The following IL3RA variants were observed in gnomAD, a reference collection of about 807,000 sequenced individuals.
IL3RA encodes the protein interleukin 3 receptor subunit alpha, also known as interleukin-3 receptor subunit alpha.
IL3RA carries 73 observed loss-of-function variants against 52.3 expected under a neutral mutation model. The observed-to-expected ratio is 1.40, with a 90% CI of 1.16 to 1.70. The LOEUF (loss-of-function observed/expected upper bound fraction) is 1.70, where lower values mean the gene tolerates loss of function less well. IL3RA is among the 40% of genes most tolerant of loss of function. The pLI is 0.00. For synonymous variants in IL3RA, 260 were observed against 194.0 expected (o/e 1.34, Z -2.83); for missense variants, 664 against 504.4 (o/e 1.32, Z -3.03).
At chrX:1,359,921 G>C (rs28972424) in intron 8 of IL3RA, among the ~76,000 whole-genome samples, 5,890 of 133,954 alleles carry the variant, frequency 0.044, 424 homozygotes, top group African/African-American at 0.16. Context: ...CTCTCCCTGT[G>C]TCTATCTCCC....
rs773350314 is a variant in IL3RA at position 1,348,091 on chromosome X, A to C, written c.184-340A>C. Among the ~76,000 whole-genome samples the C allele has an allele frequency of 2.0e-3, 287 of 144,018 alleles. 11 individuals are homozygous for C. Among genetic ancestry groups the C allele is most frequent in the African/African-American group, 6.3e-3 (242 of 38,402 alleles). 94.5% of individuals were successfully genotyped at this position (144,018 alleles called of 152,430 possible). ...GCCGGGCACGGTGGCTCACGCCTGT[A>C]ATCCCAGCACTTTGGGAGGCTGAGG... On this transcript the variant is annotated intron_variant, in intron 3 of 11. Coordinates refer to ENST00000331035, the MANE Select transcript of IL3RA (RefSeq NM_002183.4).
intron 8 of IL3RA, among the ~76,000 whole-genome samples, chrX:1,363,581 C>A (rs1311483980): frequency 5.9e-4 from 89 of 150,996 alleles, no homozygotes; most frequent in Admixed American, 1.1e-3. Context: ...AGCCACCGCG[C>A]CTGGCCGAGC....
Position 1,352,325 on chromosome X carries a change from G to A in IL3RA, c.435G>A (p.Arg145=). Residue 145 remains arginine (R), a synonymous_variant, in exon 6 of 12, where the codon AGG becomes AGA. Coordinates refer to ENST00000331035, the MANE Select transcript of IL3RA (RefSeq NM_002183.4). ...QYDLYLNVAN[R]RQQYECLHYK... ...CCAACCTTACCGCTTACCGCAGCAG[G>A]CGTCAACAGTACGAGTGTCTTCACT... is the stretch of plus-strand genomic sequence containing the variant. The A allele has an allele frequency of 6.8e-6, 11 of 1,613,844 alleles. No individual in the cohort carries two copies. The highest frequency in any genetic ancestry group is 9.3e-6 in the Non-Finnish European group (11 of 1,179,828).
intron 7 of IL3RA, 35 bp from the exon 8 acceptor site, chrX:1,358,826 A>G: frequency 1.2e-6 from 2 of 1,612,842 alleles, no homozygotes; most frequent in African/African-American, 2.7e-5. Context: ...GGGACGGTCC[A>G]GACACTCAAA....
intron 9 of IL3RA, among the ~76,000 whole-genome samples, chrX:1,366,954 G>C (rs1380806686): frequency 3.9e-5 from 1 of 25,358 alleles, no homozygotes; most frequent in Non-Finnish European, 6.4e-5. Flanking sequence ...CGGGGTGCGC[G>C]GGGTGCGCGG....
chrX:1,378,208 A>G (rs1452845617), intron 9 of IL3RA, among the ~76,000 whole-genome samples: 1 of 151,892 alleles, frequency 6.6e-6, no homozygotes, highest in East Asian at 1.9e-4. Context: ...AGAAAAAGAA[A>G]AAGAAAAAAT....
chrX:1,363,956 G>C (rs755334969), intron 8 of IL3RA, among the ~76,000 whole-genome samples: 1 of 151,982 alleles, frequency 6.6e-6, no homozygotes, highest in Non-Finnish European at 1.5e-5. Context: ...GCCGAGGCGG[G>C]TGGATCATGA....
chrX:1,340,826 C>T (rs1337976262), intron 1 of IL3RA, among the ~76,000 whole-genome samples: 2 of 151,692 alleles, frequency 1.3e-5, no homozygotes, highest in Non-Finnish European at 1.5e-5. Context: ...CTAAAAAATA[C>T]AAAAAGTGGG....
At chrX:1,345,035 G>A (rs1413848542) in intron 2 of IL3RA, among the ~76,000 whole-genome samples, 3 of 150,802 alleles carry the variant, frequency 2.0e-5, no homozygotes, top group South Asian at 4.2e-4. Flanking sequence ...CGGGCGTGGT[G>A]GCGGGCGCCT....
Position 1,345,501 on chromosome X carries a change from A to C in IL3RA, c.183+67A>C, listed in dbSNP as rs368389238. ...TATTTATGTATTTATGTATTTATTT[A>C]TTTTTTGAGACGGAGTCTTGCTCTG... On this transcript the variant is annotated intron_variant, in intron 3 of 11. Coordinates refer to ENST00000331035, the MANE Select transcript of IL3RA (RefSeq NM_002183.4). 8.0e-6 allele frequency: 9 copies of C among 1,125,776 alleles called. No individual in the cohort carries two copies. The East Asian group carries it at 2.6e-4, about 33-fold the overall frequency. 69.7% of individuals were successfully genotyped at this position (1,125,776 alleles called of 1,614,324 possible).
intron 1 of IL3RA, among the ~76,000 whole-genome samples, chrX:1,339,878 G>A (rs1303305652): frequency 6.6e-6 from 1 of 152,098 alleles, no homozygotes; most frequent in Non-Finnish European, 1.5e-5. Flanking sequence ...GCCTTTCTGG[G>A]ATGCGGCAGA....
At position 1,348,385 on chromosome X, in the gene IL3RA, T is replaced by C. The variant is rs1224738043; in HGVS notation, c.184-46T>C. The C allele has an allele frequency of 4.2e-6, 6 of 1,430,752 alleles. No homozygotes were observed. The African/African-American group carries it at 7.0e-5, about 17-fold the overall frequency. The allele number at this position is 1,430,752 out of a possible 1,614,324, so 88.6% of individuals were successfully genotyped here. On this transcript the variant is annotated intron_variant, in intron 3 of 11. Transcript: ENST00000331035. ...AATCTGAACATCATTAGCGTCAAAT[T>C]AAGCATGGTCTGTCAGCAGCCATCA...
chrX:1,343,679 A>AT (rs1156254024), intron 2 of IL3RA, among the ~76,000 whole-genome samples: 6 of 140,704 alleles, frequency 4.3e-5, no homozygotes, highest in Non-Finnish European at 7.8e-5. Flanking sequence ...AAAAAAAAAA[A>AT]AAAAAAGAAT....
intron 1 of IL3RA, among the ~76,000 whole-genome samples, 183 bp downstream of exon 1, chrX:1,337,109 A>G (rs1173852759): frequency 6.6e-6 from 1 of 152,178 alleles, no homozygotes; most frequent in African/African-American, 2.4e-5. Flanking sequence ...CCAGAGAAGT[A>G]TGTTTGCGAT....
chrX:1,344,760 C>G (rs781179443), intron 2 of IL3RA, among the ~76,000 whole-genome samples: 2 of 150,708 alleles, frequency 1.3e-5, no homozygotes, highest in South Asian at 2.1e-4. Flanking sequence ...GTGACAAGAG[C>G]AAAACTCCGT....
At chrX:1,367,071 C>G (rs866231544) in intron 9 of IL3RA, among the ~76,000 whole-genome samples, 1 of 4,330 alleles carries the variant, frequency 2.3e-4, no homozygotes. Context: ...CGGGGTGAGC[C>G]GGGTGCGCGG....
intron 4 of IL3RA, among the ~76,000 whole-genome samples, chrX:1,349,639 G>A (rs1394503093): frequency 2.0e-5 from 3 of 151,366 alleles, no homozygotes; most frequent in African/African-American, 7.3e-5. Context: ...TTAATTAGAA[G>A]TCCATGGTTT....
rs1175318273 is a variant in IL3RA, at chrX:1,382,487, G to C, written c.*22G>C. 8 of 1,610,836 alleles carry C rather than the reference G, an allele frequency of 5.0e-6. No homozygotes were observed. Among genetic ancestry groups the C allele is most frequent in the Admixed American group, 1.7e-5 (1 of 59,952 alleles). The stretch of plus-strand genomic sequence containing the variant: ...TTGAGACTGGGGTTCAGGGCTTGTG[G>C]GGGTCTGCCTCAATCTCCCTGGCCG... On this transcript the variant is annotated 3_prime_UTR_variant, in exon 12 of 12. Transcript: ENST00000331035.
chrX:1,359,603 T>C (rs1231890680), intron 8 of IL3RA, among the ~76,000 whole-genome samples: 2 of 149,956 alleles, frequency 1.3e-5, no homozygotes, highest in African/African-American at 4.9e-5. Flanking sequence ...TCTGTGTCTC[T>C]TTCCCTCCCT....
Sources: gnomAD v4.1 joint callset for allele counts (sites outside exome capture counted in the v4.1 genomes callset) on GRCh38, gnomAD v4.1.1 for gene constraint, MANE v1.5 for transcripts, NCBI Gene and HGNC (gene_info 2026-07-23, HGNC 2026-07-21) for gene names.